The following KIF26A variants were observed in gnomAD, a reference collection of about 807,000 sequenced individuals.
KIF26A encodes the protein kinesin family member 26A.
KIF26A carries 74 observed loss-of-function variants against 126.0 expected under a neutral mutation model. That is an observed-to-expected ratio of 0.59 (90% confidence interval 0.49 to 0.71). KIF26A has a LOEUF of 0.71. Among genes scored for constraint, KIF26A ranks in the 30% least tolerant of loss-of-function variants. KIF26A has a pLI of 0.00. For synonymous variants in KIF26A, 1,445 were observed against 1,232.7 expected, an observed-to-expected ratio of 1.17 and a Z score of -3.61; for missense variants, 2,984 against 2,763.3, an observed-to-expected ratio of 1.08 and a Z score of -1.79.
chr14:104,175,053 G>A lies in KIF26A; in HGVS notation c.2265G>A (p.Arg755=), dbSNP rs768352907. Residue 755 remains arginine (R), a synonymous_variant, in exon 12 of 15, where the codon CGG becomes CGA. Transcript: ENST00000423312. ...EGRARRPPHL[R]PFHPRTVALD... Reference sequence around the variant, plus strand: ...GGGCCCGTCGGCCCCCGCACCTGCGGCCCTTCCACCCACGCACTGTGGCCC... The same window carrying A: ...GGGCCCGTCGGCCCCCGCACCTGCGACCCTTCCACCCACGCACTGTGGCCC... 5 of 1,579,688 alleles carry A rather than the reference G, an allele frequency of 3.2e-6. No individual in the cohort carries two copies. Among genetic ancestry groups the A allele is most frequent in the Admixed American group, 1.8e-5 (1 of 55,822 alleles).
intron 5 of KIF26A, among the ~76,000 whole-genome samples, chr14:104,170,552 G>A (rs564138787): frequency 1.3e-5 from 2 of 152,356 alleles, no homozygotes; most frequent in South Asian, 2.1e-4. Context: ...AATGAGTCTC[G>A]GGTAATTTGA....
At chr14:104,157,659 TG>T in intron 3 of KIF26A, 95 bp from the exon 4 acceptor site, 1 of 1,333,506 alleles carries the variant, frequency 7.5e-7, no homozygotes, top group Non-Finnish European at 1.0e-6. Flanking sequence ...TGCTGGGCTC[TG>T]GGGTGCCCAG....
intron 2 of KIF26A, among the ~76,000 whole-genome samples, chr14:104,146,705 G>A (rs953440329): frequency 2.0e-5 from 3 of 152,186 alleles, no homozygotes; most frequent in African/African-American, 7.2e-5. Context: ...CCCGGCATCC[G>A]GACGGCTCCT....
At position 104,179,629 on chromosome 14, in the gene KIF26A, G is replaced by A. The variant is rs1288624168; in HGVS notation, c.5488G>A (p.Glu1830Lys). 3.2e-6 allele frequency: 5 copies of A among 1,539,022 alleles called. No individual in the cohort carries two copies. Among genetic ancestry groups the A allele is most frequent in the South Asian group, 2.4e-5 (2 of 82,470 alleles). The stretch of plus-strand genomic sequence containing the variant: ...CCCAGTTGAGGTGGACCCGGAGCTG[G>A]AGCCCGAGTCGGCCGAGTACCTGGC... ...LEQFEVDPELEPESAEYLAAL... is the reference protein window; with the variant it reads ...LEQFEVDPELKPESAEYLAAL... The change falls in exon 15 of 15, where the codon GAG (glutamate) becomes AAG (lysine). Residue 1830 changes from glutamate to lysine, a missense_variant. Physicochemically the swap from Glu to Lys is moderately conservative, Grantham distance 56. Coordinates refer to ENST00000423312, the MANE Select transcript of KIF26A (RefSeq NM_015656.2).
chr14:104,156,985 G>A (rs1280564973), intron 3 of KIF26A, among the ~76,000 whole-genome samples: 1 of 152,120 alleles, frequency 6.6e-6, no homozygotes, highest in East Asian at 1.9e-4. Flanking sequence ...TGGGCCCTTG[G>A]GGAAGGGGCC....
chr14:104,138,982 G>T, intron 1 of KIF26A, 61 bp from the exon 2 acceptor site: 1 of 1,314,236 alleles, frequency 7.6e-7, no homozygotes, highest in Non-Finnish European at 9.6e-7. Flanking sequence ...AGGGCGCGCA[G>T]GGGTCTGGAT....
Position 104,173,174 on chromosome 14 carries a change from G to T in KIF26A, c.1618G>T (p.Gly540Cys). ...GGACCTGCTGGCCGAGGTGGCCCCT[G>T]GCAGCCTCCAGGACACCCAGTCTCC... The part of the protein sequence containing the change: ...LRDLLAEVAP[G>C]SLQDTQSPGV... The change falls in exon 8 of 15, where the codon GGC (glycine) becomes TGC (cysteine). Residue 540 changes from glycine (G) to cysteine (C), a missense_variant. Transcript: ENST00000423312. The T allele has an allele frequency of 6.2e-7, 1 of 1,611,680 alleles. No individual in the cohort carries two copies. The highest frequency in any genetic ancestry group is 1.1e-5 in the South Asian group (1 of 90,968).
At chr14:104,139,763 T>TG (rs936744274) in intron 2 of KIF26A, among the ~76,000 whole-genome samples, 2 of 152,170 alleles carry the variant, frequency 1.3e-5, no homozygotes, top group Non-Finnish European at 2.9e-5. Context: ...CCACAGCAGC[T>TG]GGGGGGTCCC....
At chr14:104,155,102 G>A (rs955430628) in intron 3 of KIF26A, among the ~76,000 whole-genome samples, 5 of 152,296 alleles carry the variant, frequency 3.3e-5, no homozygotes, top group Middle Eastern at 3.4e-3. Context: ...ATCCACACCC[G>A]TGCAGGGGTG....
Position 104,179,927 on chromosome 14 carries a change from A to C in KIF26A, c.*137A>C. ...GCAGGACGGGAGTCTCAGAGAGGAG[A>C]CGGAGTGTGGGGGAGGGAGGGCCGG... On this transcript the variant is annotated 3_prime_UTR_variant, in exon 15 of 15. Coordinates refer to ENST00000423312, the MANE Select transcript of KIF26A (RefSeq NM_015656.2). 1.4e-5 allele frequency: 13 copies of C among 923,060 alleles called. No individual in the cohort carries two copies. Among genetic ancestry groups the C allele is most frequent in the African/African-American group, 1.7e-5 (1 of 58,486 alleles). The allele number at this position is 923,060 out of a possible 1,614,324, so 57.2% of individuals were successfully genotyped here.
Position 104,149,803 on chromosome 14 carries a change from C to T in KIF26A, c.289-2212C>T, listed in dbSNP as rs564569266. ...GGGTGGGCTTCCCAAGGCCTGAGGT[C>T]GCTGGACGGGCAGAGGCTGCCTGGC... On this transcript the variant is annotated intron_variant, in intron 2 of 14. Coordinates refer to ENST00000423312, the MANE Select transcript of KIF26A (RefSeq NM_015656.2). 2.4e-4 allele frequency among the ~76,000 whole-genome samples: 37 copies of T among 152,268 alleles called. 1 individual carries two copies. In the South Asian group the frequency reaches 7.3e-3, roughly 30 times the overall value.
At chr14:104,165,633 G>GTA (rs1409195123) in intron 4 of KIF26A, among the ~76,000 whole-genome samples, 4 of 135,256 alleles carry the variant, frequency 3.0e-5, no homozygotes, top group African/African-American at 1.4e-4. Flanking sequence ...GCATGTGTGT[G>GTA]TCTGTGTTTC....
At chr14:104,158,075 T>G (rs1002808917) in intron 4 of KIF26A, 133 bp downstream of exon 4, 4 of 864,596 alleles carry the variant, frequency 4.6e-6, no homozygotes, top group South Asian at 4.9e-5. Context: ...GATGGGGAGC[T>G]GCTCCGACCA....
At position 104,178,599 on chromosome 14, in the gene KIF26A, C is replaced by T; in HGVS notation, c.5160C>T (p.Ala1720=). ...LIPAPLPDTT[A]LGRKPSLPGQ... ...CCGCCCCACTGCCCGACACCACTGC[C>T]CTGGGCCGTAAGCCCAGCCTCCCCG... The change falls in exon 13 of 15, where the codon GCC becomes GCT. Residue 1720 remains alanine, a synonymous_variant. Transcript: ENST00000423312. 3.2e-6 allele frequency: 5 copies of T among 1,545,972 alleles called. No homozygotes were observed. The highest frequency in any genetic ancestry group is 4.4e-6 in the Non-Finnish European group (5 of 1,146,196).
intron 3 of KIF26A, among the ~76,000 whole-genome samples, chr14:104,154,958 C>T (rs548241737): frequency 3.9e-5 from 6 of 152,276 alleles, no homozygotes; most frequent in East Asian, 1.9e-4. Context: ...GTGGTCCTCA[C>T]GGCTGAGATG....
rs779987066 is a variant in KIF26A at position 104,175,104 on chromosome 14, C to T, written c.2316C>T (p.Cys772=). ...VALDPDRTPP[C]LPGDPDYSSS... ...TGGACCCCGACCGCACGCCTCCCTGCCTGCCCGGTGACCCCGATTACTCCT... is the reference window on the plus strand; with the variant it reads ...TGGACCCCGACCGCACGCCTCCCTGTCTGCCCGGTGACCCCGATTACTCCT... Residue 772 remains cysteine, a synonymous_variant, in exon 12 of 15, where the codon TGC becomes TGT. Transcript: ENST00000423312. The T allele has an allele frequency of 1.2e-6, 2 of 1,604,080 alleles. No individual in the cohort carries two copies. Among genetic ancestry groups the T allele is most frequent in the Non-Finnish European group, 1.7e-6 (2 of 1,176,620 alleles).
Position 104,175,097 on chromosome 14 carries a change from C to T in KIF26A, c.2309C>T (p.Pro770Leu), listed in dbSNP as rs1265301754. Reference protein sequence around the residue: ...RTVALDPDRTPPCLPGDPDYS... With the variant: ...RTVALDPDRTLPCLPGDPDYS... The stretch of plus-strand genomic sequence containing the variant: ...GTGGCCCTGGACCCCGACCGCACGC[C>T]TCCCTGCCTGCCCGGTGACCCCGAT... Residue 770 changes from proline (P) to leucine (L), a missense_variant, in exon 12 of 15, where the codon CCT (proline) becomes CTT (leucine). By Grantham distance (98) the Pro-to-Leu change is moderately conservative. Coordinates refer to ENST00000423312, the MANE Select transcript of KIF26A (RefSeq NM_015656.2). 2.5e-6 allele frequency: 4 copies of T among 1,602,628 alleles called. No homozygotes were observed. The highest frequency in any genetic ancestry group is 2.6e-6 in the Non-Finnish European group (3 of 1,176,012).
Position 104,173,407 on chromosome 14 carries a change from C to T in KIF26A, c.1761C>T (p.Arg587=). Residue 587 remains arginine, a synonymous_variant, in exon 9 of 15, where the codon CGC becomes CGT. Transcript: ENST00000423312. ...ACCTGGATGCGGCCCTGGCGGCCCG[C>T]AGCACCAGCCGAGCGGGCTGTGGCG... is the stretch of plus-strand genomic sequence containing the variant. ...AFYLDAALAA[R]STSRAGCGED... is the part of the protein sequence containing the mutation. The T allele has an allele frequency of 6.3e-7, 1 of 1,583,032 alleles. No homozygotes were observed.
intron 2 of KIF26A, among the ~76,000 whole-genome samples, chr14:104,141,329 C>T (rs10149989): frequency 6.6e-6 from 1 of 152,186 alleles, no homozygotes; most frequent in East Asian, 1.9e-4. Flanking sequence ...TCCCCAGGGG[C>T]CCGTTTCGTA....
Sources: gnomAD v4.1 joint callset for allele counts (sites outside exome capture counted in the v4.1 genomes callset) on GRCh38, gnomAD v4.1.1 for gene constraint, MANE v1.5 for transcripts, NCBI Gene and HGNC (gene_info 2026-07-23, HGNC 2026-07-21) for gene names.